The following CAMKMT variants were observed in gnomAD, a reference collection of about 807,000 sequenced individuals.
CAMKMT encodes the protein CaM KMT.
Under a neutral mutation model 48.0 loss-of-function variants are expected in CAMKMT, and 53 were observed. The observed-to-expected ratio is 1.10, with a 90% confidence interval of 0.89 to 1.39. The LOEUF (loss-of-function observed/expected upper bound fraction) is 1.39, where lower values mean the gene tolerates loss of function less well. Among genes scored for constraint, CAMKMT ranks in the 40% most tolerant of loss-of-function variants. The pLI is 0.00. For synonymous variants in CAMKMT, 165 were observed against 152.3 expected, an observed-to-expected ratio of 1.08 and a Z score of -0.61; for missense variants, 428 against 402.7, an observed-to-expected ratio of 1.06 and a Z score of -0.54.
chr2:44,509,627 A>G (rs1421157196), intron 3 of CAMKMT, among the ~76,000 whole-genome samples: 1 of 152,142 alleles, frequency 6.6e-6, no homozygotes, highest in East Asian at 1.9e-4. Context: ...TGTCACCAGA[A>G]TTCATGTGTT....
chr2:44,409,537 A>G (rs1477172094), intron 3 of CAMKMT, among the ~76,000 whole-genome samples: 1 of 152,146 alleles, frequency 6.6e-6, no homozygotes, highest in Non-Finnish European at 1.5e-5. Context: ...GTTTTTATAT[A>G]CTTCTTTGGC....
At chr2:44,380,841 T>C (rs1680166875) in intron 2 of CAMKMT, among the ~76,000 whole-genome samples, 1 of 152,130 alleles carries the variant, frequency 6.6e-6, no homozygotes, top group South Asian at 2.1e-4. Flanking sequence ...AAAAAGGTCA[T>C]ATGGTAAGCA....
chr2:44,439,791 A>C (rs909787914), intron 3 of CAMKMT, among the ~76,000 whole-genome samples: 1 of 75,968 alleles, frequency 1.3e-5, no homozygotes, highest in Non-Finnish European at 2.2e-5. Context: ...CTCATAAAAT[A>C]AATAAATAAA....
chr2:44,475,285 T>C (rs1219573433), intron 3 of CAMKMT, among the ~76,000 whole-genome samples: 1 of 151,618 alleles, frequency 6.6e-6, no homozygotes, highest in Non-Finnish European at 1.5e-5. Flanking sequence ...ATTTGAAAAG[T>C]TGAAGTTTTT....
At chr2:44,519,262 T>G (rs1401175633) in intron 3 of CAMKMT, among the ~76,000 whole-genome samples, 1 of 152,240 alleles carries the variant, frequency 6.6e-6, no homozygotes, top group Non-Finnish European at 1.5e-5. Flanking sequence ...TTGAACTTTT[T>G]CCCTCTATAC....
chr2:44,589,883 TAAAAAAAAAAAAG>T lies in CAMKMT; in HGVS notation c.377-114384_377-114372del, dbSNP rs1327808631. Among the ~76,000 whole-genome samples, 29 of 23,258 alleles carry T rather than the reference TAAAAAAAAAAAAG, an allele frequency of 1.2e-3. 3 individuals carry two copies. Among genetic ancestry groups the T allele is most frequent in the Admixed American group, 2.8e-3 (5 of 1,778 alleles). 15.3% of individuals were successfully genotyped at this position (23,258 alleles called of 152,430 possible). On this transcript the variant is annotated intron_variant, in intron 3 of 10. Transcript: ENST00000378494. ...GCGAGAAACACCCAAGAATGATCAA[TAAAAAAAAAAAAG>T]AAAAAAAAAAAAGAACGAAAAAAAA... is the stretch of plus-strand genomic sequence containing the variant.
intron 3 of CAMKMT, among the ~76,000 whole-genome samples, chr2:44,482,285 C>T (rs143482403): frequency 1.7e-4 from 26 of 152,144 alleles, no homozygotes; most frequent in African/African-American, 6.0e-4. Context: ...TCCATGTGTA[C>T]GTATTGTACA....
intron 7 of CAMKMT, among the ~76,000 whole-genome samples, chr2:44,728,360 G>A (rs1331916714): frequency 6.6e-6 from 1 of 152,128 alleles, no homozygotes; most frequent in Non-Finnish European, 1.5e-5. Flanking sequence ...TGGTCATGAG[G>A]GATATTGGTC....
intron 3 of CAMKMT, among the ~76,000 whole-genome samples, chr2:44,689,261 A>AT (rs1278736278): frequency 9.2e-6 from 1 of 108,810 alleles, no homozygotes; most frequent in Admixed American, 9.1e-5. Context: ...ACCCAGCACT[A>AT]TTTTTTATTT....
At chr2:44,587,080 G>A (rs1669899056) in intron 3 of CAMKMT, among the ~76,000 whole-genome samples, 1 of 151,956 alleles carries the variant, frequency 6.6e-6, no homozygotes, top group Non-Finnish European at 1.5e-5. Context: ...TATCTTCTTT[G>A]GTTGAGTGTG....
intron 8 of CAMKMT, among the ~76,000 whole-genome samples, chr2:44,748,156 G>A (rs955976964): frequency 1.3e-5 from 2 of 152,190 alleles, no homozygotes; most frequent in African/African-American, 4.8e-5. Flanking sequence ...TTCTGCATCA[G>A]AGCTAAGTAG....
At chr2:44,528,779 C>T (rs558062109) in intron 3 of CAMKMT, among the ~76,000 whole-genome samples, 1 of 152,230 alleles carries the variant, frequency 6.6e-6, no homozygotes, top group African/African-American at 2.4e-5. Context: ...ACAGGATTTG[C>T]TTATTGCATC....
At chr2:44,626,054 A>C (rs909607700) in intron 3 of CAMKMT, among the ~76,000 whole-genome samples, 1 of 152,176 alleles carries the variant, frequency 6.6e-6, no homozygotes, top group Non-Finnish European at 1.5e-5. Flanking sequence ...TCAAAAGAAG[A>C]AGGCTGTTGT....
In CAMKMT at chr2:44,594,687, A is replaced by C. The variant is rs560702544; in HGVS notation, c.377-109596A>C. Among the ~76,000 whole-genome samples the C allele has an allele frequency of 4.7e-4, 71 of 152,266 alleles. No homozygotes were observed. In the South Asian group the frequency reaches 8.3e-3, roughly 18 times the overall value. ...CAAGATGGATTAAAGACTTAAATGT[A>C]AGACCTAAAACCATAAAAACCCTAG... On this transcript the variant is annotated intron_variant, in intron 3 of 10. Coordinates refer to ENST00000378494, the MANE Select transcript of CAMKMT (RefSeq NM_024766.5).
intron 3 of CAMKMT, among the ~76,000 whole-genome samples, chr2:44,451,918 G>GA (rs575391921): frequency 4.0e-5 from 6 of 150,206 alleles, no homozygotes; most frequent in East Asian, 1.9e-4. Context: ...TTCCATTTTT[G>GA]AAAAAAAACC....
intron 4 of CAMKMT, 30 bp from the exon 5 acceptor site, chr2:44,706,257 G>T: frequency 6.2e-7 from 1 of 1,610,400 alleles, no homozygotes; most frequent in Non-Finnish European, 8.5e-7. Flanking sequence ...TAATTTGTAT[G>T]GGTTCTACCA....
At chr2:44,729,952 GA>G (rs1678993245) in intron 7 of CAMKMT, among the ~76,000 whole-genome samples, 1 of 152,156 alleles carries the variant, frequency 6.6e-6, no homozygotes, top group South Asian at 2.1e-4. Flanking sequence ...TAAGAATTAT[GA>G]TGTATGCCGA....
intron 3 of CAMKMT, among the ~76,000 whole-genome samples, chr2:44,434,957 G>C (rs1666128240): frequency 6.6e-6 from 1 of 152,122 alleles, no homozygotes; most frequent in Non-Finnish European, 1.5e-5. Context: ...TAAGTTTGCT[G>C]TTATTTCCAA....
intron 7 of CAMKMT, among the ~76,000 whole-genome samples, chr2:44,720,848 G>T (rs1166128530): frequency 1.3e-5 from 2 of 152,036 alleles, no homozygotes; most frequent in Admixed American, 1.3e-4. Flanking sequence ...GCAAGAACAG[G>T]TATTCTCTTT....
Sources: gnomAD v4.1 joint callset for allele counts (sites outside exome capture counted in the v4.1 genomes callset) on GRCh38, gnomAD v4.1.1 for gene constraint, MANE v1.5 for transcripts, NCBI Gene and HGNC (gene_info 2026-07-23, HGNC 2026-07-21) for gene names.